Variants in MYT1 observed in about 807,000 individuals in gnomAD.
The protein encoded by MYT1 is myelin transcription factor I.
Under a neutral mutation model 123.0 loss-of-function variants are expected in MYT1, and 23 were observed. That is an observed-to-expected ratio of 0.19 (90% CI 0.13 to 0.26). The LOEUF (loss-of-function observed/expected upper bound fraction) is 0.26. Ranked by LOEUF, MYT1 falls within the 10% of genes least tolerant of loss-of-function variation. MYT1 has a pLI of 1.00. For synonymous variants in MYT1, 518 were observed against 575.3 expected (o/e 0.90, Z 1.43); for missense variants, 1,125 against 1,472.5 (o/e 0.76, Z 3.86).
rs555157910 is a variant in MYT1, at chr20:64,203,133, G to A, written c.87-1902G>A. Among the ~76,000 whole-genome samples, 2 of 152,292 alleles carry A rather than the reference G, an allele frequency of 1.3e-5. No individual in the cohort carries two copies. The highest frequency in any genetic ancestry group is 1.9e-4 in the East Asian group (1 of 5,176). On this transcript the variant is annotated intron_variant, in intron 4 of 22. Coordinates refer to ENST00000328439, the MANE Select transcript of MYT1 (RefSeq NM_004535.3). The surrounding 1 kb of genome is among the most constrained non-coding windows in gnomAD (Gnocchi z 5.1). ...GCTCCACGCACTTGGGCTCACAGCCGTGTCTCACACCCTCTGAGGCTGGGG... is the reference window on the plus strand; with the variant it reads ...GCTCCACGCACTTGGGCTCACAGCCATGTCTCACACCCTCTGAGGCTGGGG...
intron 18 of MYT1, among the ~76,000 whole-genome samples, chr20:64,229,004 C>T (rs1254550106): frequency 6.6e-6 from 1 of 152,230 alleles, no homozygotes; most frequent in Non-Finnish European, 1.5e-5. Flanking sequence ...GATTGGGTTG[C>T]TCCTCCTGGT....
rs536619105 is a variant in MYT1, at chr20:64,182,292, G to A, written c.-98-7771G>A. ...GGCCTGCCCTCTCCAGGGAAGTGGC[G>A]GCTGGAGCAGCCACGGTGTCCCAGG... On this transcript the variant is annotated intron_variant, in intron 1 of 22. Transcript: ENST00000328439. Among the ~76,000 whole-genome samples, 104 of 152,300 alleles carry A rather than the reference G, an allele frequency of 6.8e-4. 1 individual carries two copies. Among genetic ancestry groups the A allele is most frequent in the African/African-American group, 2.2e-3 (92 of 41,570 alleles).
Position 64,240,559 on chromosome 20 carries a change from G to A in MYT1, c.*111G>A. 1 of 1,419,332 alleles carries A rather than the reference G, an allele frequency of 7.0e-7. No homozygotes were observed. 87.9% of individuals were successfully genotyped at this position (1,419,332 alleles called of 1,614,324 possible). ...AGTGACTTCCCGTTTGGGGCCCGGTGTGGCCGCGGGCGGGTTTATCCAAAG... is the reference window on the plus strand; with the variant it reads ...AGTGACTTCCCGTTTGGGGCCCGGTATGGCCGCGGGCGGGTTTATCCAAAG... On this transcript the variant is annotated 3_prime_UTR_variant, in exon 23 of 23. Transcript: ENST00000328439.
At position 64,231,257 on chromosome 20, in the gene MYT1, C is replaced by T. The variant is rs1984312082; in HGVS notation, c.2676-907C>T. 6.6e-6 allele frequency among the ~76,000 whole-genome samples: 1 copy of T among 152,118 alleles called. No homozygotes were observed. Among genetic ancestry groups the T allele is most frequent in the Admixed American group, 6.5e-5 (1 of 15,274 alleles). On this transcript the variant is annotated intron_variant, in intron 18 of 22. Coordinates refer to ENST00000328439, the MANE Select transcript of MYT1 (RefSeq NM_004535.3). This position sits in a 1 kb window ranked among gnomAD's most constrained non-coding sequence, Gnocchi z 6.4. ...AGCCTTGCAGATTGAAGATCTTGTC[C>T]TGGGTTTGGCGTGGGTTCCTGGATG...
intron 1 of MYT1, among the ~76,000 whole-genome samples, chr20:64,182,521 C>A (rs181723025): frequency 6.6e-6 from 1 of 152,220 alleles, no homozygotes; most frequent in Non-Finnish European, 1.5e-5. Context: ...AGAGGCAGGT[C>A]GCCTTCCTTT....
At chr20:64,170,920 GAGAGAGA>G (rs1982255439) in intron 1 of MYT1, among the ~76,000 whole-genome samples, 3 of 137,296 alleles carry the variant, frequency 2.2e-5, no homozygotes, top group Non-Finnish European at 3.1e-5. Context: ...GAGAGAGAGA[GAGAGAGA>G]GAGAGAGACG....
intron 19 of MYT1, among the ~76,000 whole-genome samples, chr20:64,233,877 G>A (rs1284656112): frequency 6.6e-6 from 1 of 152,172 alleles, no homozygotes; most frequent in African/African-American, 2.4e-5. Context: ...TGGAGCCAGG[G>A]AGAGGGAGCA....
chr20:64,240,027 G>C (rs968250647), intron 22 of MYT1, 124 bp downstream of exon 22: 2 of 1,417,478 alleles, frequency 1.4e-6, no homozygotes, highest in African/African-American at 2.9e-5. Flanking sequence ...CTGTGCCCTT[G>C]TGGAGATTCT....
At position 64,192,181 on chromosome 20, in the gene MYT1, G is replaced by A. The variant is rs569043302; in HGVS notation, c.-1+2021G>A. Among the ~76,000 whole-genome samples, 6 of 152,312 alleles carry A rather than the reference G, an allele frequency of 3.9e-5. No homozygotes were observed. In the East Asian group the frequency reaches 9.6e-4, roughly 24 times the overall value. On this transcript the variant is annotated intron_variant, in intron 2 of 22. Transcript: ENST00000328439. This position sits in a 1 kb window ranked among gnomAD's most constrained non-coding sequence, Gnocchi z 5.3. Reference sequence around the variant, plus strand: ...GCCAGGGACCCGTGCCCAGGTTCTCGTGGCATCACCAGCTCTTTCATCACT... The same window carrying A: ...GCCAGGGACCCGTGCCCAGGTTCTCATGGCATCACCAGCTCTTTCATCACT...
In MYT1 at chr20:64,232,063, G is replaced by C. The variant is rs764564969; in HGVS notation, c.2676-101G>C. On this transcript the variant is annotated intron_variant, in intron 18 of 22. Coordinates refer to ENST00000328439, the MANE Select transcript of MYT1 (RefSeq NM_004535.3). This position sits in a 1 kb window ranked among gnomAD's most constrained non-coding sequence, Gnocchi z 6.9. ...CTGCCTCACTCAGAAGCCCTTTAACGGCTCTGAGTTGGGCTCCCCTTGTGT... is the reference window on the plus strand; with the variant it reads ...CTGCCTCACTCAGAAGCCCTTTAACCGCTCTGAGTTGGGCTCCCCTTGTGT... 3 of 1,214,826 alleles carry C rather than the reference G, an allele frequency of 2.5e-6. No homozygotes were observed. In the African/African-American group the frequency reaches 4.5e-5, roughly 18 times the overall value. The allele number at this position is 1,214,826 out of a possible 1,614,324, so 75.3% of individuals were successfully genotyped here. A position where few individuals can be genotyped will look rare whatever the true frequency, so the allele number is the denominator to read the frequency against.
intron 1 of MYT1, among the ~76,000 whole-genome samples, chr20:64,170,896 G>A (rs866074197): frequency 1.2e-5 from 1 of 85,236 alleles, no homozygotes; most frequent in Admixed American, 1.2e-4. Flanking sequence ...GAGAGAGAGA[G>A]AGAGAGAGAG....
chr20:64,220,434 G>A (rs894592820), intron 13 of MYT1, among the ~76,000 whole-genome samples: 1 of 152,226 alleles, frequency 6.6e-6, no homozygotes, highest in Non-Finnish European at 1.5e-5. Flanking sequence ...CTGGGCTTAG[G>A]ATCGCCCATG....
At chr20:64,174,066 T>C (rs867011724) in intron 1 of MYT1, among the ~76,000 whole-genome samples, 1 of 3,378 alleles carries the variant, frequency 3.0e-4, no homozygotes, top group African/African-American at 1.6e-3. Context: ...TGTGTCCATT[T>C]CCCCTCCCTG....
intron 6 of MYT1, 108 bp from the exon 7 acceptor site, chr20:64,207,486 A>G (rs1983514447): frequency 6.6e-7 from 1 of 1,520,560 alleles, no homozygotes; most frequent in Non-Finnish European, 8.8e-7. Context: ...TCCCGTATAA[A>G]GAGTGAGTGG....
At position 64,218,924 on chromosome 20, in the gene MYT1, G is replaced by T. The variant is rs769365746; in HGVS notation, c.1860G>T (p.Ser620=). 2.5e-6 allele frequency: 4 copies of T among 1,613,570 alleles called. No homozygotes were observed. Among genetic ancestry groups the T allele is most frequent in the Non-Finnish European group, 2.5e-6 (3 of 1,180,032 alleles). ...SPKAFQCFDY[S]QDAEAAHMAA... ...CCTCTTCTGCAGGCTTTGACTACTCGCAGGACGCCGAGGCTGCACACATGG... is the reference window on the plus strand; with the variant it reads ...CCTCTTCTGCAGGCTTTGACTACTCTCAGGACGCCGAGGCTGCACACATGG... Residue 620 remains serine, a synonymous_variant, in exon 12 of 23, where the codon TCG becomes TCT. Coordinates refer to ENST00000328439, the MANE Select transcript of MYT1 (RefSeq NM_004535.3). This position sits in a 1 kb window ranked among gnomAD's most constrained non-coding sequence, Gnocchi z 4.0.
At chr20:64,204,428 C>A (rs1293468756) in intron 4 of MYT1, among the ~76,000 whole-genome samples, 1 of 152,234 alleles carries the variant, frequency 6.6e-6, no homozygotes, top group Non-Finnish European at 1.5e-5. Context: ...GTTCCTGGTT[C>A]ACGGGCCCTC....
At position 64,232,160 on chromosome 20, in the gene MYT1, C is replaced by G; in HGVS notation, c.2676-4C>G. The stretch of plus-strand genomic sequence containing the variant: ...TGTACTCACCCCGGCCTCTCTGTAC[C>G]CAGGTGCCCAGTTCCAGGCTGTGTG... On this transcript the variant is annotated splice_polypyrimidine_tract_variant and splice_region_variant and intron_variant, in intron 18 of 22. Coordinates refer to ENST00000328439, the MANE Select transcript of MYT1 (RefSeq NM_004535.3). This position sits in a 1 kb window ranked among gnomAD's most constrained non-coding sequence, Gnocchi z 6.9. 1 of 1,612,768 alleles carries G rather than the reference C, an allele frequency of 6.2e-7. No individual in the cohort carries two copies. The highest frequency in any genetic ancestry group is 1.3e-5 in the African/African-American group (1 of 75,048).
chr20:64,208,288 T>C lies in MYT1; in HGVS notation c.1092T>C (p.Thr364=). Residue 364 remains threonine (T), a synonymous_variant, in exon 7 of 23, where the codon ACT becomes ACC. Coordinates refer to ENST00000328439, the MANE Select transcript of MYT1 (RefSeq NM_004535.3). The surrounding 1 kb of genome is among the most constrained non-coding windows in gnomAD (Gnocchi z 5.4). Reference sequence around the variant, plus strand: ...CCCACTCCCGGAAGTCAACAGTCACTGACGAGTCGGAGATGCAGGACATGA... The same window carrying C: ...CCCACTCCCGGAAGTCAACAGTCACCGACGAGTCGGAGATGCAGGACATGA... ...EDTHSRKSTV[T]DESEMQDMMT... The C allele has an allele frequency of 6.2e-7, 1 of 1,614,150 alleles. No homozygotes were observed.
In MYT1 at chr20:64,240,514, C is replaced by A; in HGVS notation, c.*66C>A. ...TTACCTCCCTCGCCCTGCCCCGCACCGTGGGGATGCCCAACTCACAGTGAC... is the reference window on the plus strand; with the variant it reads ...TTACCTCCCTCGCCCTGCCCCGCACAGTGGGGATGCCCAACTCACAGTGAC... On this transcript the variant is annotated 3_prime_UTR_variant, in exon 23 of 23. Coordinates refer to ENST00000328439, the MANE Select transcript of MYT1 (RefSeq NM_004535.3). 1 of 1,521,964 alleles carries A rather than the reference C, an allele frequency of 6.6e-7. No individual in the cohort carries two copies. The highest frequency in any genetic ancestry group is 1.3e-5 in the South Asian group (1 of 77,936). 94.3% of individuals were successfully genotyped at this position (1,521,964 alleles called of 1,614,324 possible).
Sources: gnomAD v4.1 joint callset for allele counts (sites outside exome capture counted in the v4.1 genomes callset) on GRCh38, gnomAD v4.1.1 for gene constraint, Gnocchi (gnomAD v3.1) non-coding constraint, MANE v1.5 for transcripts, NCBI Gene and HGNC (gene_info 2026-07-23, HGNC 2026-07-21) for gene names.